Variants in KAZN observed in about 807,000 individuals in gnomAD.
The protein encoded by KAZN is kazrin.
In KAZN, 40 loss-of-function variants were observed where a neutral mutation model predicts 87.4. That is an observed-to-expected ratio of 0.46 (90% CI 0.36 to 0.60). The LOEUF (loss-of-function observed/expected upper bound fraction) is 0.60. Ranked by LOEUF, KAZN falls within the 20% of genes least tolerant of loss-of-function variation. The probability of loss-of-function intolerance (pLI) is 0.00; values close to 1 mark genes in which losing one functional copy is unlikely to be tolerated. For synonymous variants in KAZN, 466 were observed against 458.3 expected, an observed-to-expected ratio of 1.02 and a Z score of -0.22; for missense variants, 898 against 1,073.9, an observed-to-expected ratio of 0.84 and a Z score of 2.29.
At chr1:14,109,365 G>T (rs1644449454) in intron 1 of KAZN, among the ~76,000 whole-genome samples, 1 of 152,152 alleles carries the variant, frequency 6.6e-6, no homozygotes, top group Admixed American at 6.5e-5. Flanking sequence ...TCCTTCTGAT[G>T]TTCCTTTGAC....
intron 1 of KAZN, among the ~76,000 whole-genome samples, chr1:14,948,769 A>G (rs1003398792): frequency 6.6e-6 from 1 of 152,074 alleles, no homozygotes; most frequent in Non-Finnish European, 1.5e-5. Context: ...TCCTTGTACC[A>G]ATAGGATGGC....
rs1640926978 is a variant in KAZN, at chr1:15,099,041, C to T, written c.1548-2502C>T. 6.6e-6 allele frequency among the ~76,000 whole-genome samples: 1 copy of T among 152,178 alleles called. No individual in the cohort carries two copies. On this transcript the variant is annotated intron_variant, in intron 10 of 14. Coordinates refer to ENST00000376030, the MANE Select transcript of KAZN (RefSeq NM_201628.3). The surrounding 1 kb of genome is among the most constrained non-coding windows in gnomAD (Gnocchi z 5.4). ...TGGACACAGAGAAGGGCTCCTGACCCAGCATGACATCTTGGAAGGCTTCCG... is the reference window on the plus strand; with the variant it reads ...TGGACACAGAGAAGGGCTCCTGACCTAGCATGACATCTTGGAAGGCTTCCG...
chr1:14,255,138 A>AAAG (rs1199857011), intron 2 of KAZN, among the ~76,000 whole-genome samples: 40 of 125,290 alleles, frequency 3.2e-4, no homozygotes, highest in African/African-American at 1.1e-3. Context: ...AAAAAAAAAA[A>AAAG]AAGAAGAAGA....
intron 10 of KAZN, among the ~76,000 whole-genome samples, chr1:15,100,591 C>T (rs1641016725): frequency 6.6e-6 from 1 of 152,222 alleles, no homozygotes. Flanking sequence ...CACAGTCACA[C>T]ATTCACCGGC....
chr1:14,018,571 G>A (rs1352864224), intron 1 of KAZN, among the ~76,000 whole-genome samples: 1 of 152,156 alleles, frequency 6.6e-6, no homozygotes, highest in Non-Finnish European at 1.5e-5. Flanking sequence ...GTGTCTGTGC[G>A]GGTGTTTTCA....
intron 1 of KAZN, among the ~76,000 whole-genome samples, chr1:14,163,662 T>C (rs1645759799): frequency 6.6e-6 from 1 of 152,284 alleles, no homozygotes; most frequent in Admixed American, 6.5e-5. Context: ...CTGTGACCAA[T>C]TATTATTTTA....
chr1:15,041,333 TTTTTTTTTTTTTTG>T (rs1489694725), intron 3 of KAZN, among the ~76,000 whole-genome samples: 1 of 115,684 alleles, frequency 8.6e-6, no homozygotes, highest in African/African-American at 4.6e-5. Flanking sequence ...TTTTTTTTCT[TTTTTTTTTTTTTTG>T]TTTTTTTGAG....
intron 1 of KAZN, among the ~76,000 whole-genome samples, chr1:14,752,248 G>A (rs1298987970): frequency 1.3e-5 from 2 of 152,098 alleles, no homozygotes; most frequent in Admixed American, 6.5e-5. Context: ...TTAACATGAG[G>A]TTCAGAAGGG....
chr1:14,375,906 A>G (rs1660874631), intron 2 of KAZN, among the ~76,000 whole-genome samples: 1 of 152,100 alleles, frequency 6.6e-6, no homozygotes, highest in Admixed American at 6.5e-5. Flanking sequence ...AAAAAAAAAA[A>G]AGAAATTACA....
intron 1 of KAZN, among the ~76,000 whole-genome samples, chr1:14,608,651 A>G (rs1677565354): frequency 1.3e-5 from 2 of 152,186 alleles, no homozygotes; most frequent in Admixed American, 1.3e-4. Context: ...GATGTGGATG[A>G]TACTGGGTTT....
chr1:14,494,929 A>G (rs1172666927), intron 2 of KAZN, among the ~76,000 whole-genome samples: 6 of 152,186 alleles, frequency 3.9e-5, no homozygotes, highest in Admixed American at 3.3e-4. Context: ...AACTTCCCCC[A>G]CAGCTGACCC....
At chr1:14,183,635 A>G (rs559081238) in intron 2 of KAZN, among the ~76,000 whole-genome samples, 1 of 152,248 alleles carries the variant, frequency 6.6e-6, no homozygotes, top group South Asian at 2.1e-4. Flanking sequence ...TTTTACTCAT[A>G]CTGTGTGACT....
intron 1 of KAZN, among the ~76,000 whole-genome samples, chr1:13,939,741 T>G (rs970019565): frequency 6.6e-6 from 1 of 152,206 alleles, no homozygotes; most frequent in African/African-American, 2.4e-5. Flanking sequence ...TGGCTCATAG[T>G]CCACAGGCTA....
rs535316459 is a variant in KAZN, at chr1:14,486,854, C to G, written c.250-112129C>G. Among the ~76,000 whole-genome samples the G allele has an allele frequency of 7.9e-5, 12 of 152,258 alleles. No homozygotes were observed. In the South Asian group the frequency reaches 2.5e-3, roughly 32 times the overall value. ...CATAATATTATACTTGCCAGGCCAT[C>G]GGTTTGACCTCGAGCCTAAATTCCT... On this transcript the variant is annotated intron_variant, in intron 2 of 16. Transcript: ENST00000636203.
At chr1:15,076,664 C>A (rs571893312) in intron 8 of KAZN, among the ~76,000 whole-genome samples, 2 of 152,316 alleles carry the variant, frequency 1.3e-5, no homozygotes, top group South Asian at 2.1e-4. Flanking sequence ...TTTCTGAGCT[C>A]CACTTTTCTC....
intron 1 of KAZN, among the ~76,000 whole-genome samples, chr1:13,975,959 G>T (rs574424421): frequency 1.2e-4 from 19 of 152,350 alleles, no homozygotes; most frequent in African/African-American, 4.3e-4. Context: ...TTTCCTCTGT[G>T]TTTTTGGTGT....
At position 14,186,512 on chromosome 1, in the gene KAZN, C is replaced by CGTG. The variant is rs564210438; in HGVS notation, c.249+5921_249+5923dup. On this transcript the variant is annotated intron_variant, in intron 2 of 16. Transcript: ENST00000636203. ...AAAAGCTTAAAAGCAATTGTTTCAG[C>CGTG]GTGCTGTGGTTAGGACAACTTGGCT... Among the ~76,000 whole-genome samples the CGTG allele has an allele frequency of 4.1e-4, 62 of 152,206 alleles. 1 individual carries two copies. In the Middle Eastern group the frequency reaches 0.01, roughly 25 times the overall value.
intron 2 of KAZN, among the ~76,000 whole-genome samples, chr1:14,461,714 G>A (rs890988311): frequency 6.6e-6 from 1 of 152,168 alleles, no homozygotes; most frequent in Non-Finnish European, 1.5e-5. Flanking sequence ...GGCAGGTGGT[G>A]TGGTTACACA....
At chr1:14,629,140 C>A (rs1398328030) in intron 1 of KAZN, among the ~76,000 whole-genome samples, 1 of 152,190 alleles carries the variant, frequency 6.6e-6, no homozygotes, top group Non-Finnish European at 1.5e-5. Context: ...AGCCACCATA[C>A]CCGGCCTCAC....
Sources: gnomAD v4.1 joint callset for allele counts (sites outside exome capture counted in the v4.1 genomes callset) on GRCh38, gnomAD v4.1.1 for gene constraint, Gnocchi (gnomAD v3.1) non-coding constraint, MANE v1.5 for transcripts, NCBI Gene and HGNC (gene_info 2026-07-23, HGNC 2026-07-21) for gene names.